Variants in CDH2 observed in about 807,000 individuals in gnomAD.
CDH2 encodes the protein cadherin-2.
In CDH2, 17 loss-of-function variants were observed where a neutral mutation model predicts 92.0. That is an observed-to-expected ratio of 0.18 (90% CI 0.13 to 0.28). The LOEUF (loss-of-function observed/expected upper bound fraction) is 0.28. Among genes scored for constraint, CDH2 ranks in the 10% least tolerant of loss-of-function variants. The probability of loss-of-function intolerance (pLI) is 1.00; values close to 1 mark genes in which losing one functional copy is unlikely to be tolerated. For missense variants in CDH2, 862 were observed against 1,133.1 expected, an observed-to-expected ratio of 0.76 and a Z score of 3.44; for synonymous variants, 419 against 415.9, an observed-to-expected ratio of 1.01 and a Z score of -0.09.
intron 2 of CDH2, among the ~76,000 whole-genome samples, chr18:28,126,812 G>A (rs2015684979): frequency 6.6e-6 from 1 of 152,186 alleles, no homozygotes; most frequent in Non-Finnish European, 1.5e-5. Flanking sequence ...GGGGAAAAGT[G>A]ACTTCCTAAA....
intron 2 of CDH2, among the ~76,000 whole-genome samples, chr18:28,028,375 A>G (rs571847597): frequency 5.9e-4 from 90 of 152,264 alleles, no homozygotes; most frequent in African/African-American, 2.0e-3. Context: ...CATTAAGCAC[A>G]CTAGCCCCAC....
intron 2 of CDH2, among the ~76,000 whole-genome samples, chr18:28,105,274 G>C (rs777983653): frequency 6.4e-4 from 98 of 152,102 alleles, no homozygotes; most frequent in Non-Finnish European, 1.1e-3. Flanking sequence ...AACCTTCCAT[G>C]ACACAAAGCA....
chr18:28,013,749 G>C lies in CDH2; in HGVS notation c.333C>G (p.Thr111=), dbSNP rs41274322. 82,233 of 1,613,226 alleles carry C rather than the reference G, an allele frequency of 0.051. 2,325 individuals carry two copies. The highest frequency in any genetic ancestry group is 0.067 in the South Asian group (6,143 of 91,060). Residue 111 remains threonine, a synonymous_variant, in exon 3 of 16, where the codon ACC becomes ACG. Coordinates refer to ENST00000269141, the MANE Select transcript of CDH2 (RefSeq NM_001792.5). ...TTACTGCCACTTGCCACTTTTCCTG[G>C]GTCTCTTTGTCTTGGGCATATATCA... The part of the protein sequence containing the change: ...KFLIYAQDKE[T]QEKWQVAVKL...
chr18:28,172,076 G>GGGGT (rs550719126), intron 1 of CDH2, among the ~76,000 whole-genome samples: 4 of 146,488 alleles, frequency 2.7e-5, no homozygotes, highest in African/African-American at 7.5e-5. Flanking sequence ...ATACATTTGG[G>GGGGT]GTGTGTGTGT....
At chr18:27,988,688 T>A in intron 10 of CDH2, 22 bp from the exon 11 acceptor site, 1 of 1,552,556 alleles carries the variant, frequency 6.4e-7, no homozygotes. Context: ...AAGTGAAGTT[T>A]AATTTCTTTT....
intron 2 of CDH2, among the ~76,000 whole-genome samples, chr18:28,121,647 C>T (rs547827229): frequency 1.4e-4 from 22 of 152,188 alleles, no homozygotes; most frequent in African/African-American, 5.3e-4. Context: ...ATCAATTCAA[C>T]ACTCATCTAC....
intron 14 of CDH2, among the ~76,000 whole-genome samples, chr18:27,963,926 T>A (rs1212229520): frequency 6.6e-6 from 1 of 151,614 alleles, no homozygotes; most frequent in Non-Finnish European, 1.5e-5. Flanking sequence ...AAGGCATTAG[T>A]TCATGAAGGT....
chr18:27,971,288 A>G (rs1008495750), intron 14 of CDH2, among the ~76,000 whole-genome samples: 3 of 149,630 alleles, frequency 2.0e-5, no homozygotes, highest in Admixed American at 2.0e-4. Context: ...ACTGGCCTAT[A>G]GCATTTTTGC....
At chr18:28,070,762 A>T (rs2014601836) in intron 2 of CDH2, among the ~76,000 whole-genome samples, 1 of 152,210 alleles carries the variant, frequency 6.6e-6, no homozygotes, top group South Asian at 2.1e-4. Context: ...AGATAAATGT[A>T]GGGGAGACAA....
At chr18:28,069,232 C>T (rs879695763) in intron 2 of CDH2, among the ~76,000 whole-genome samples, 2 of 152,126 alleles carry the variant, frequency 1.3e-5, no homozygotes, top group African/African-American at 4.8e-5. Flanking sequence ...CACACTAATG[C>T]CAACCTTTCC....
chr18:28,137,826 A>C (rs1160755993), intron 2 of CDH2, among the ~76,000 whole-genome samples: 1 of 152,146 alleles, frequency 6.6e-6, no homozygotes, highest in African/African-American at 2.4e-5. Context: ...AGAGATCTAA[A>C]GCAGTCATAA....
chr18:28,043,890 A>ATTTTTTCTTTTT, intron 2 of CDH2, among the ~76,000 whole-genome samples: 1 of 91,454 alleles, frequency 1.1e-5, no homozygotes, highest in Non-Finnish European at 2.2e-5. Context: ...AGAATCTCGG[A>ATTTTTTCTTTTT]TTTTTTTTTT....
intron 1 of CDH2, among the ~76,000 whole-genome samples, chr18:28,156,875 T>C (rs1050235205): frequency 6.6e-6 from 1 of 152,080 alleles, no homozygotes; most frequent in Non-Finnish European, 1.5e-5. Context: ...CTATCAGGGC[T>C]TAGGACAATA....
chr18:28,010,979 C>G lies in CDH2; in HGVS notation c.546+867G>C, dbSNP rs1234363597. ...AAGTTAAAGCAAAATTCCCTTTTCT[C>G]TCAAACTTCATTAAAGTAGAAAAAG... On this transcript the variant is annotated intron_variant, in intron 4 of 15. Coordinates refer to ENST00000269141, the MANE Select transcript of CDH2 (RefSeq NM_001792.5). Among the ~76,000 whole-genome samples the G allele has an allele frequency of 2.0e-5, 3 of 149,654 alleles. No individual in the cohort carries two copies. The East Asian group carries it at 5.9e-4, about 29-fold the overall frequency.
At chr18:27,956,648 T>C (rs1371572098) in intron 15 of CDH2, among the ~76,000 whole-genome samples, 2 of 152,148 alleles carry the variant, frequency 1.3e-5, no homozygotes, top group African/African-American at 4.8e-5. Flanking sequence ...CTACAAACTA[T>C]TGGTTTCTGT....
intron 15 of CDH2, among the ~76,000 whole-genome samples, chr18:27,955,761 G>GTTTTT (rs5823568): frequency 0.026 from 2,936 of 111,466 alleles, 248 homozygotes; most frequent in Middle Eastern, 0.078. Context: ...CTTTATTTCT[G>GTTTTT]TTTTTTTTTT....
At position 28,053,075 on chromosome 18, in the gene CDH2, G is replaced by A. The variant is rs532226474; in HGVS notation, c.173-39166C>T. On this transcript the variant is annotated intron_variant, in intron 2 of 15. Coordinates refer to ENST00000269141, the MANE Select transcript of CDH2 (RefSeq NM_001792.5). ...AGGACACAGCTAGAAGGCTATCGGG[G>A]AGAAGAAGCCTTCAAAGAAACTAAA... Among the ~76,000 whole-genome samples the A allele has an allele frequency of 7.9e-5, 12 of 152,266 alleles. No individual in the cohort carries two copies. The South Asian group carries it at 2.5e-3, about 32-fold the overall frequency.
downstream of CDH2, among the ~76,000 whole-genome samples, chr18:27,948,789 A>T (rs1243580209): frequency 6.6e-6 from 1 of 151,952 alleles, no homozygotes; most frequent in Non-Finnish European, 1.5e-5. Context: ...ACTGTTGAGG[A>T]TGAGTGTAAA....
chr18:27,938,533 A>G (rs911033643), intron 6 of CDH2, among the ~76,000 whole-genome samples: 2 of 152,148 alleles, frequency 1.3e-5, no homozygotes, highest in African/African-American at 2.4e-5. Context: ...CAACCTTTGG[A>G]TTATCTTTTT....
Sources: allele counts gnomAD v4.1 joint callset (sites outside exome capture counted in the v4.1 genomes callset), GRCh38; gene constraint gnomAD v4.1.1; transcripts MANE v1.5; gene names NCBI Gene and HGNC (gene_info 2026-07-23, HGNC 2026-07-21).